Variants in TTC13 observed in about 807,000 individuals in gnomAD.
TTC13 encodes the protein tetratricopeptide repeat domain 13.
A neutral mutation model predicts 120.0 loss-of-function variants in TTC13; 62 were observed. The observed-to-expected ratio is 0.52, with a 90% CI of 0.42 to 0.64. The LOEUF (loss-of-function observed/expected upper bound fraction) is 0.64. TTC13 is among the 30% of genes least tolerant of loss of function. The pLI, the probability that TTC13 is intolerant of heterozygous loss-of-function variation, is 0.00. For synonymous variants in TTC13, 384 were observed against 393.5 expected, an observed-to-expected ratio of 0.98 and a Z score of 0.28; for missense variants, 824 against 1,050.2, an observed-to-expected ratio of 0.78 and a Z score of 2.98.
intron 3 of TTC13, chr1:230,956,426 G>A (rs540051719): frequency 1.4e-5 from 3 of 207,074 alleles, no homozygotes; most frequent in South Asian, 6.0e-5. Flanking sequence ...CTCACCAGCC[G>A]TGTGATCGTG....
intron 12 of TTC13, 49 bp downstream of exon 12, chr1:230,928,888 C>G: frequency 1.3e-6 from 2 of 1,598,400 alleles, no homozygotes; most frequent in Non-Finnish European, 1.7e-6. Flanking sequence ...CAGCTTATAG[C>G]TCAGTTTTGA....
chr1:230,909,315 C>T (rs1238889275), intron 20 of TTC13, among the ~76,000 whole-genome samples: 3 of 151,198 alleles, frequency 2.0e-5, no homozygotes, highest in Non-Finnish European at 2.9e-5. Context: ...AGCAACATGG[C>T]GAAACCCTGT....
intron 1 of TTC13, among the ~76,000 whole-genome samples, chr1:230,976,791 C>T (rs971485300): frequency 6.6e-6 from 1 of 152,186 alleles, no homozygotes; most frequent in African/African-American, 2.4e-5. Context: ...TCAGAGCTGG[C>T]TTGAACAGGG....
At chr1:230,975,117 G>C (rs545476298) in intron 1 of TTC13, among the ~76,000 whole-genome samples, 1 of 151,914 alleles carries the variant, frequency 6.6e-6, no homozygotes, top group African/African-American at 2.4e-5. Flanking sequence ...TCTCACGTCT[G>C]TAATCCCAAC....
At chr1:230,971,504 A>G (rs907361396) in intron 1 of TTC13, among the ~76,000 whole-genome samples, 10 of 152,202 alleles carry the variant, frequency 6.6e-5, no homozygotes, top group African/African-American at 2.4e-4. Flanking sequence ...GAAATGAAAT[A>G]TTCATCGGTA....
At chr1:230,936,968 C>T (rs1474906516) in intron 8 of TTC13, among the ~76,000 whole-genome samples, 3 of 133,940 alleles carry the variant, frequency 2.2e-5, no homozygotes, top group Non-Finnish European at 4.6e-5. Context: ...CTACTCTAAC[C>T]TCCTCAGACA....
chr1:230,908,816 T>A (rs747044106), intron 21 of TTC13, 25 bp from the exon 22 acceptor site: 1 of 1,610,316 alleles, frequency 6.2e-7, no homozygotes, highest in South Asian at 1.1e-5. Flanking sequence ...CATTTAGGAA[T>A]GTTACTAAAC....
intron 17 of TTC13, among the ~76,000 whole-genome samples, chr1:230,919,809 C>A (rs770897766): frequency 6.6e-6 from 1 of 152,120 alleles, no homozygotes; most frequent in African/African-American, 2.4e-5. Flanking sequence ...TTGGCAAGGC[C>A]GAAACTCCAA....
chr1:230,976,855 A>G (rs1338290930), intron 1 of TTC13, among the ~76,000 whole-genome samples: 1 of 152,258 alleles, frequency 6.6e-6, no homozygotes, highest in East Asian at 1.9e-4. Context: ...AGCCACCAAC[A>G]TCAATGATAC....
chr1:230,936,471 A>G (rs1674065967), intron 8 of TTC13: 6 of 304,564 alleles, frequency 2.0e-5, no homozygotes, highest in Non-Finnish European at 3.9e-5. Flanking sequence ...CTAAGAGAAC[A>G]CTCTCAGAAA....
rs192534479 is a variant in TTC13, at chr1:230,959,777, A to G, written c.366+1432T>C. Among the ~76,000 whole-genome samples the G allele has an allele frequency of 1.3e-3, 204 of 152,348 alleles. 2 individuals carry two copies. Among genetic ancestry groups the G allele is most frequent in the Admixed American group, 3.4e-3 (52 of 15,302 alleles). On this transcript the variant is annotated intron_variant, in intron 2 of 22. Coordinates refer to ENST00000366661, the MANE Select transcript of TTC13 (RefSeq NM_024525.5). ...TGGACAGAGTTGAGAAGCTATGCTCAAGTAAGTTTGAACACACAGCTCAAC... is the reference window on the plus strand; with the variant it reads ...TGGACAGAGTTGAGAAGCTATGCTCGAGTAAGTTTGAACACACAGCTCAAC...
At chr1:230,933,527 A>C (rs1239531271) in intron 9 of TTC13, among the ~76,000 whole-genome samples, 1 of 152,210 alleles carries the variant, frequency 6.6e-6, no homozygotes, top group African/African-American at 2.4e-5. Context: ...CAACCCTTGA[A>C]GGATGAACGT....
rs1235242947 is a variant in TTC13 at position 230,939,373 on chromosome 1, A to T, written c.900+13T>A. ...GAGTCATCATATGGTACACATATGC[A>T]CAACACTTTCACCTTCAGAAGTCCT... On this transcript the variant is annotated intron_variant, in intron 8 of 22. Transcript: ENST00000366661. The T allele has an allele frequency of 1.3e-6, 2 of 1,560,790 alleles. No homozygotes were observed. Among genetic ancestry groups the T allele is most frequent in the African/African-American group, 2.7e-5 (2 of 73,896 alleles).
At chr1:230,947,321 C>T (rs938589318) in intron 4 of TTC13, among the ~76,000 whole-genome samples, 9 of 151,974 alleles carry the variant, frequency 5.9e-5, no homozygotes, top group African/African-American at 2.2e-4. Flanking sequence ...AAAAAGGGAA[C>T]CTAATGAGGA....
At chr1:230,972,295 A>G (rs1363286514) in intron 1 of TTC13, among the ~76,000 whole-genome samples, 1 of 152,242 alleles carries the variant, frequency 6.6e-6, no homozygotes, top group Non-Finnish European at 1.5e-5. Context: ...GTTCTTTCTG[A>G]TTACATCAGT....
Position 230,944,838 on chromosome 1 carries a change from G to T in TTC13, c.579+551C>A, listed in dbSNP as rs1015424579. Among the ~76,000 whole-genome samples, 4 of 152,034 alleles carry T rather than the reference G, an allele frequency of 2.6e-5. No homozygotes were observed. The highest frequency in any genetic ancestry group is 6.6e-5 in the Admixed American group (1 of 15,262). On this transcript the variant is annotated intron_variant, in intron 5 of 22. Transcript: ENST00000366661. This position sits in a 1 kb window ranked among gnomAD's most constrained non-coding sequence, Gnocchi z 4.0. ...GAAAGCTGAACTTACACCATTTCGT[G>T]ATTTACTATATAATTTCAGGAGTCT...
chr1:230,915,771 G>T, intron 18 of TTC13, among the ~76,000 whole-genome samples: 1 of 147,292 alleles, frequency 6.8e-6, no homozygotes, highest in South Asian at 2.1e-4. Context: ...AATTATTAAA[G>T]CTGTTTTCTC....
At chr1:230,968,829 T>C (rs1484992861) in intron 1 of TTC13, among the ~76,000 whole-genome samples, 2 of 152,066 alleles carry the variant, frequency 1.3e-5, no homozygotes, top group African/African-American at 4.8e-5. Context: ...AGAGCTAACT[T>C]TGGGCTTGAG....
chr1:230,924,078 C>T, intron 14 of TTC13, 145 bp from the exon 15 acceptor site: 1 of 566,636 alleles, frequency 1.8e-6, no homozygotes, highest in Non-Finnish European at 3.0e-6. Context: ...AAATTCCAAA[C>T]AGATGTTCCA....
Sources: gnomAD v4.1 joint callset for allele counts (sites outside exome capture counted in the v4.1 genomes callset) on GRCh38, gnomAD v4.1.1 for gene constraint, Gnocchi (gnomAD v3.1) non-coding constraint, MANE v1.5 for transcripts, NCBI Gene and HGNC (gene_info 2026-07-23, HGNC 2026-07-21) for gene names.